RGS7: variants seen among roughly 807,000 people sequenced by gnomAD.
RGS7 encodes the protein regulator of G protein signaling 7, also known as regulator of G-protein signaling 7.
RGS7 carries 27 observed loss-of-function variants against 81.1 expected under a neutral mutation model. That is an observed-to-expected ratio of 0.33 (90% CI 0.25 to 0.46). The LOEUF (loss-of-function observed/expected upper bound fraction) is 0.46, where lower values mean the gene tolerates loss of function less well. RGS7 is among the 20% of genes least tolerant of loss of function. The pLI, the probability that RGS7 is intolerant of heterozygous loss-of-function variation, is 1.00. For synonymous variants in RGS7, 208 were observed against 207.7 expected (o/e 1.00, Z -0.01); for missense variants, 396 against 607.4 (o/e 0.65, Z 3.66).
In RGS7 at chr1:241,253,805, G is replaced by A. The variant is rs1032972745; in HGVS notation, c.78+101894C>T. Among the ~76,000 whole-genome samples, 8 of 152,124 alleles carry A rather than the reference G, an allele frequency of 5.3e-5. 1 individual carries two copies. Among genetic ancestry groups the A allele is most frequent in the African/African-American group, 1.9e-4 (8 of 41,412 alleles). ...ACTAATGATTTAGAAGCTGGAAGTAGAGGAGGCTCTTCTTATTTCTGTCAA... is the reference window on the plus strand; with the variant it reads ...ACTAATGATTTAGAAGCTGGAAGTAAAGGAGGCTCTTCTTATTTCTGTCAA... On this transcript the variant is annotated intron_variant, in intron 2 of 18. Transcript: ENST00000440928.
chr1:240,868,611 C>T lies in RGS7; in HGVS notation c.585G>A (p.Ala195=), dbSNP rs747717735. ...ERKILDSQER[A]FWDVHRPVPG... ...CCACGGGCCTGTGCACGTCCCAGAA[C>T]GCTCTCTCTTGGCTGTCAAGGATCT... Residue 195 remains alanine, a synonymous_variant, in exon 9 of 19, where the codon GCG becomes GCA. Transcript: ENST00000440928. The surrounding 1 kb of genome is among the most constrained non-coding windows in gnomAD (Gnocchi z 5.1). 11 of 1,614,144 alleles carry T rather than the reference C, an allele frequency of 6.8e-6. No homozygotes were observed. The highest frequency in any genetic ancestry group is 1.6e-4 in the Middle Eastern group (1 of 6,062).
At chr1:241,042,767 G>C (rs10926405) in intron 3 of RGS7, among the ~76,000 whole-genome samples, 10,730 of 151,880 alleles carry the variant, frequency 0.071, 573 homozygotes, top group African/African-American at 0.14. Context: ...TGGTGAAACC[G>C]TGTCTCTACT....
At chr1:241,195,272 T>C (rs2072981821) in intron 2 of RGS7, among the ~76,000 whole-genome samples, 1 of 152,148 alleles carries the variant, frequency 6.6e-6, no homozygotes, top group South Asian at 2.1e-4. Context: ...GGTCAGGAGT[T>C]CGAGACCAGC....
chr1:240,789,664 A>T (rs887396960), intron 18 of RGS7, among the ~76,000 whole-genome samples: 1 of 152,112 alleles, frequency 6.6e-6, no homozygotes, highest in Non-Finnish European at 1.5e-5. Context: ...AGGATGAGGA[A>T]ATTACTGCCT....
chr1:241,058,258 A>C (rs962598031), intron 3 of RGS7, among the ~76,000 whole-genome samples: 2 of 152,224 alleles, frequency 1.3e-5, no homozygotes, highest in Admixed American at 1.3e-4. Context: ...TCAGGTGAGC[A>C]TAAGTACAAC....
chr1:241,265,786 CTTTTT>C (rs577669455), intron 2 of RGS7, among the ~76,000 whole-genome samples: 1 of 90,228 alleles, frequency 1.1e-5, no homozygotes. Flanking sequence ...TTTCCTCGTC[CTTTTT>C]TTTTTTTTTT....
chr1:241,021,878 T>G (rs922811939), intron 3 of RGS7, among the ~76,000 whole-genome samples: 4 of 152,198 alleles, frequency 2.6e-5, no homozygotes, highest in Non-Finnish European at 5.9e-5. Context: ...GAGAATGTGT[T>G]CTGTTCAACC....
chr1:240,816,254 C>A, intron 11 of RGS7, 63 bp downstream of exon 11: 1 of 1,011,782 alleles, frequency 9.9e-7, no homozygotes, highest in Non-Finnish European at 1.6e-6. Flanking sequence ...TAACATTTAC[C>A]CTCTGGTTTT....
chr1:240,846,765 G>A (rs980238988), intron 9 of RGS7, among the ~76,000 whole-genome samples: 1 of 152,126 alleles, frequency 6.6e-6, no homozygotes, highest in African/African-American at 2.4e-5. Flanking sequence ...ATACAAACAT[G>A]AGGTTTTGAC....
chr1:240,861,383 A>T (rs1662165369), intron 9 of RGS7, among the ~76,000 whole-genome samples: 1 of 152,118 alleles, frequency 6.6e-6, no homozygotes. Flanking sequence ...AAAGAAGGTG[A>T]TCTAATTCTT....
intron 3 of RGS7, among the ~76,000 whole-genome samples, chr1:241,079,033 G>A (rs1436376090): frequency 2.0e-5 from 3 of 152,248 alleles, no homozygotes; most frequent in Non-Finnish European, 2.9e-5. Flanking sequence ...GTGTTTGGGG[G>A]GCTCTGGAGG....
intron 2 of RGS7, among the ~76,000 whole-genome samples, chr1:241,147,419 C>T (rs1299622827): frequency 6.6e-6 from 1 of 152,118 alleles, no homozygotes; most frequent in African/African-American, 2.4e-5. Context: ...AACCTAGTGC[C>T]TTCATGTAGA....
chr1:241,158,049 G>A (rs1253949953), intron 2 of RGS7, among the ~76,000 whole-genome samples: 2 of 151,682 alleles, frequency 1.3e-5, no homozygotes, highest in African/African-American at 4.8e-5. Context: ...CTCATCTCCT[G>A]ACCTTATGAT....
At chr1:240,780,344 G>C (rs1231304144) in intron 18 of RGS7, among the ~76,000 whole-genome samples, 1 of 150,974 alleles carries the variant, frequency 6.6e-6, no homozygotes, top group Non-Finnish European at 1.5e-5. Flanking sequence ...CTACTCGGGA[G>C]GTGGGAGAAT....
intron 9 of RGS7, among the ~76,000 whole-genome samples, chr1:240,859,902 A>G (rs1372886516): frequency 6.6e-6 from 1 of 152,188 alleles, no homozygotes; most frequent in Non-Finnish European, 1.5e-5. Flanking sequence ...TTGATAAAGC[A>G]TATTTTTATT....
chr1:240,798,796 T>C, intron 18 of RGS7, among the ~76,000 whole-genome samples: 1 of 152,202 alleles, frequency 6.6e-6, no homozygotes, highest in South Asian at 2.1e-4. Flanking sequence ...CCCATTATTT[T>C]CCTAGACTAC....
intron 6 of RGS7, chr1:240,920,578 A>T: frequency 1.1e-6 from 1 of 890,104 alleles, no homozygotes; most frequent in Non-Finnish European, 1.9e-6. Context: ...GGTTGCAGTA[A>T]CAGCAGTAGC....
At chr1:240,798,118 G>C (rs1422371836) in intron 18 of RGS7, among the ~76,000 whole-genome samples, 1 of 152,146 alleles carries the variant, frequency 6.6e-6, no homozygotes, top group Non-Finnish European at 1.5e-5. Flanking sequence ...GTGAAAAAAG[G>C]TGATACCTGC....
intron 6 of RGS7, among the ~76,000 whole-genome samples, chr1:240,872,465 A>C (rs948095013): frequency 6.6e-6 from 1 of 152,146 alleles, no homozygotes; most frequent in Non-Finnish European, 1.5e-5. Flanking sequence ...TCTCTTAAAA[A>C]AATAAAATAA....
Sources: allele counts gnomAD v4.1 joint callset (sites outside exome capture counted in the v4.1 genomes callset), GRCh38; gene constraint gnomAD v4.1.1; non-coding constraint Gnocchi (gnomAD v3.1); transcripts MANE v1.5; gene names NCBI Gene and HGNC (gene_info 2026-07-23, HGNC 2026-07-21).